The following EZH2 variants were observed in gnomAD, a reference collection of about 807,000 sequenced individuals.
The protein encoded by EZH2 is histone-lysine N-methyltransferase EZH2.
EZH2 carries 18 observed loss-of-function variants against 98.4 expected under a neutral mutation model. That is an observed-to-expected ratio of 0.18 (90% CI 0.13 to 0.27). The LOEUF is 0.27. Ranked by LOEUF, EZH2 falls within the 10% of genes least tolerant of loss-of-function variation. The pLI is 1.00. For synonymous variants in EZH2, 338 were observed against 312.3 expected (o/e 1.08, Z -0.87); for missense variants, 470 against 935.1 (o/e 0.50, Z 6.49).
chr7:148,835,506 T>G, intron 3 of EZH2, among the ~76,000 whole-genome samples: 1 of 151,948 alleles, frequency 6.6e-6, no homozygotes, highest in East Asian at 1.9e-4. Flanking sequence ...CTACCAAGTC[T>G]TCTTTCCTTC....
At chr7:148,809,022 C>G (rs1802327826) in intron 19 of EZH2, 49 bp downstream of exon 19, 1 of 1,470,254 alleles carries the variant, frequency 6.8e-7, no homozygotes. Flanking sequence ...AGTTCACAAT[C>G]CAGTAGAAAA....
At chr7:148,851,570 T>G (rs559003078) in intron 1 of EZH2, among the ~76,000 whole-genome samples, 1 of 152,274 alleles carries the variant, frequency 6.6e-6, no homozygotes, top group East Asian at 1.9e-4. Flanking sequence ...AGCATAGTAT[T>G]AAAACACAGA....
At chr7:148,817,532 C>G in intron 10 of EZH2, 141 bp from the exon 11 acceptor site, 1 of 798,144 alleles carries the variant, frequency 1.3e-6, no homozygotes, top group South Asian at 1.9e-5. Flanking sequence ...CATCGTAGTT[C>G]ACATTTTCCA....
At chr7:148,882,257 G>A (rs943053928) in intron 1 of EZH2, among the ~76,000 whole-genome samples, 3 of 152,130 alleles carry the variant, frequency 2.0e-5, no homozygotes, top group Non-Finnish European at 4.4e-5. Context: ...CCTTAAGTTA[G>A]CAGATGCACA....
chr7:148,845,586 G>A (rs1194587811), intron 3 of EZH2, among the ~76,000 whole-genome samples: 2 of 152,132 alleles, frequency 1.3e-5, no homozygotes, highest in African/African-American at 4.8e-5. Context: ...TCTCCAGAAG[G>A]CCTCATACAA....
At chr7:148,837,041 C>A in intron 3 of EZH2, 1 of 484,092 alleles carries the variant, frequency 2.1e-6, no homozygotes, top group Non-Finnish European at 4.1e-6. Flanking sequence ...CTACTATGTG[C>A]CAAGCACTGT....
At chr7:148,864,979 T>C (rs1818229192) in intron 1 of EZH2, among the ~76,000 whole-genome samples, 1 of 151,932 alleles carries the variant, frequency 6.6e-6, no homozygotes, top group Admixed American at 6.6e-5. Flanking sequence ...ATACAAAAAT[T>C]AGCCGGGTAT....
At chr7:148,840,368 G>A (rs1163545509) in intron 3 of EZH2, among the ~76,000 whole-genome samples, 3 of 152,068 alleles carry the variant, frequency 2.0e-5, no homozygotes. Context: ...TTTGGACAGA[G>A]GTTGTAAAGT....
intron 3 of EZH2, among the ~76,000 whole-genome samples, chr7:148,836,091 A>G (rs1810851390): frequency 6.6e-6 from 1 of 152,216 alleles, no homozygotes; most frequent in South Asian, 2.1e-4. Flanking sequence ...CTCTGAGGGC[A>G]AAAGCAGCTG....
chr7:148,812,070 T>C, intron 15 of EZH2, among the ~76,000 whole-genome samples: 1 of 152,174 alleles, frequency 6.6e-6, no homozygotes, highest in East Asian at 1.9e-4. Flanking sequence ...ACTTTCAACC[T>C]GAATTTAATA....
chr7:148,882,856 G>C (rs950839922), intron 1 of EZH2, among the ~76,000 whole-genome samples: 5 of 152,216 alleles, frequency 3.3e-5, no homozygotes, highest in African/African-American at 1.2e-4. Context: ...GATAAAGGAA[G>C]TTTAACTGTG....
intron 3 of EZH2, among the ~76,000 whole-genome samples, chr7:148,843,540 A>G (rs1813049562): frequency 6.7e-6 from 1 of 149,716 alleles, no homozygotes; most frequent in Admixed American, 6.7e-5. Flanking sequence ...AGTCATTTTC[A>G]AACTGAGTAT....
chr7:148,830,381 G>C (rs1272187420), intron 4 of EZH2, among the ~76,000 whole-genome samples: 1 of 151,892 alleles, frequency 6.6e-6, no homozygotes, highest in Non-Finnish European at 1.5e-5. Context: ...GATGAAATAT[G>C]GTGTATCAAG....
chr7:148,822,707 T>C (rs1407159832), intron 8 of EZH2, among the ~76,000 whole-genome samples: 1 of 152,022 alleles, frequency 6.6e-6, no homozygotes, highest in East Asian at 1.9e-4. Context: ...TGTGAGAGGC[T>C]GAGGTGGGTG....
intron 1 of EZH2, among the ~76,000 whole-genome samples, chr7:148,880,555 C>A (rs1477825073): frequency 6.6e-6 from 1 of 152,188 alleles, no homozygotes; most frequent in African/African-American, 2.4e-5. Flanking sequence ...GTAATAGTTG[C>A]ATCTAAAGGA....
intron 3 of EZH2, among the ~76,000 whole-genome samples, chr7:148,836,074 A>G (rs1810843509): frequency 6.6e-6 from 1 of 152,200 alleles, no homozygotes; most frequent in Non-Finnish European, 1.5e-5. Flanking sequence ...GAGACAAGAA[A>G]TAAGCTCTCT....
intron 8 of EZH2, among the ~76,000 whole-genome samples, chr7:148,825,658 G>C (rs1484823421): frequency 6.6e-6 from 1 of 152,128 alleles, no homozygotes; most frequent in African/African-American, 2.4e-5. Context: ...AAGCAATGTG[G>C]GGCCGTTGAG....
At position 148,844,958 on chromosome 7, in the gene EZH2, T is replaced by TA. The variant is rs370647018; in HGVS notation, c.246+1511dup. Among the ~76,000 whole-genome samples, 792 of 144,668 alleles carry TA rather than the reference T, an allele frequency of 5.5e-3. 3 individuals carry two copies. The highest frequency in any genetic ancestry group is 8.8e-3 in the Non-Finnish European group (576 of 65,670). The allele number at this position is 144,668 out of a possible 152,430, so 94.9% of individuals were successfully genotyped here. A position where few individuals can be genotyped will look rare whatever the true frequency, so the allele number is the denominator to read the frequency against. On this transcript the variant is annotated intron_variant, in intron 3 of 19. Coordinates refer to ENST00000320356, the MANE Select transcript of EZH2 (RefSeq NM_004456.5). The stretch of plus-strand genomic sequence containing the variant: ...TAAGGCTCAGTTTCCTTGCCTGGAT[T>TA]AAAAAAAAAAAAGTGTAATACTCCT...
Position 148,832,770 on chromosome 7 carries a change from A to G in EZH2, c.247-20T>C, listed in dbSNP as rs764516544. 2.2e-5 allele frequency: 32 copies of G among 1,473,992 alleles called. No individual in the cohort carries two copies. The highest frequency in any genetic ancestry group is 1.9e-6 in the Non-Finnish European group (2 of 1,059,970). The allele number at this position is 1,473,992 out of a possible 1,614,324, so 91.3% of individuals were successfully genotyped here. A position where few individuals can be genotyped will look rare whatever the true frequency, so the allele number is the denominator to read the frequency against. On this transcript the variant is annotated intron_variant, in intron 3 of 19. Coordinates refer to ENST00000320356, the MANE Select transcript of EZH2 (RefSeq NM_004456.5). ...CGAACACTAAAACAGAAAAAATAAA[A>G]TTGACTCTTAAGAATAAAAGGACAA...
Sources: gnomAD v4.1 joint callset for allele counts (sites outside exome capture counted in the v4.1 genomes callset) on GRCh38, gnomAD v4.1.1 for gene constraint, MANE v1.5 for transcripts, NCBI Gene and HGNC (gene_info 2026-07-23, HGNC 2026-07-21) for gene names.